Variants in CENPF observed in about 807,000 individuals in gnomAD.
CENPF encodes AH antigen.
In CENPF, 214 loss-of-function variants were observed where a neutral mutation model predicts 307.3. The ratio of observed to expected loss-of-function variants is 0.70; its 90% CI spans 0.62 to 0.78. The LOEUF is 0.78. CENPF is among the 30% of genes least tolerant of loss of function. CENPF has a pLI of 0.00. For synonymous variants in CENPF, 1,259 were observed against 1,270.6 expected, an observed-to-expected ratio of 0.99 and a Z score of 0.19; for missense variants, 3,401 against 3,483.9, an observed-to-expected ratio of 0.98 and a Z score of 0.60.
intron 1 of CENPF, chr1:214,606,165 A>G (rs1297692336): frequency 7.5e-7 from 1 of 1,331,070 alleles, no homozygotes; most frequent in East Asian, 2.5e-5. Context: ...CCAGCTCCGG[A>G]TGCGACCCTC....
Position 214,640,547 on chromosome 1 carries a change from C to T in CENPF, c.2209C>T (p.His737Tyr), listed in dbSNP as rs758829902. 1.9e-6 allele frequency: 3 copies of T among 1,614,090 alleles called. No individual in the cohort carries two copies. Among genetic ancestry groups the T allele is most frequent in the African/African-American group, 1.3e-5 (1 of 75,052 alleles). The change falls in exon 12 of 20, where the codon CAC (histidine) becomes TAC (tyrosine). Residue 737 changes from histidine (H) to tyrosine (Y), a missense_variant. Coordinates refer to ENST00000366955, the MANE Select transcript of CENPF (RefSeq NM_016343.4). ...QLTGQVEDLEHKLQLLSNEIM... is the reference protein window; with the variant it reads ...QLTGQVEDLEYKLQLLSNEIM... ...TACTGGGCAAGTTGAAGATCTAGAA[C>T]ACAAGCTTCAGTTACTGTCAAATGA...
intron 15 of CENPF, among the ~76,000 whole-genome samples, 194 bp downstream of exon 15, chr1:214,652,080 T>C (rs1658480032): frequency 6.6e-6 from 1 of 150,640 alleles, no homozygotes; most frequent in East Asian, 1.9e-4. Flanking sequence ...TTTTTTTTTT[T>C]TTTTTTGAGA....
intron 3 of CENPF, among the ~76,000 whole-genome samples, chr1:214,617,129 G>T (rs1657383089): frequency 6.6e-6 from 1 of 151,460 alleles, no homozygotes; most frequent in South Asian, 2.1e-4. Context: ...TCAGCTCACT[G>T]CAACCTCCGC....
intron 1 of CENPF, among the ~76,000 whole-genome samples, chr1:214,607,177 C>T (rs569728784): frequency 1.3e-5 from 2 of 152,350 alleles, no homozygotes; most frequent in African/African-American, 4.8e-5. Context: ...AGCCCTGTCA[C>T]CTGCTACCAG....
chr1:214,646,597 A>G lies in CENPF; in HGVS notation c.7027A>G (p.Arg2343Gly). 1 of 1,614,156 alleles carries G rather than the reference A, an allele frequency of 6.2e-7. No individual in the cohort carries two copies. The highest frequency in any genetic ancestry group is 8.5e-7 in the Non-Finnish European group (1 of 1,180,018). ...LLKGRVENLERELEIARTNQE... is the reference protein window; with the variant it reads ...LLKGRVENLEGELEIARTNQE... Reference sequence around the variant, plus strand: ...TAAGGGTAGAGTGGAGAACCTTGAAAGAGAGCTAGAGATAGCCAGGACAAA... The same window carrying G: ...TAAGGGTAGAGTGGAGAACCTTGAAGGAGAGCTAGAGATAGCCAGGACAAA... Residue 2343 changes from arginine to glycine, a missense_variant, in exon 13 of 20, where the codon AGA (arginine) becomes GGA (glycine). By Grantham distance (125) the Arg-to-Gly change is moderately radical. Coordinates refer to ENST00000366955, the MANE Select transcript of CENPF (RefSeq NM_016343.4).
At chr1:214,624,367 A>G (rs1416816341) in intron 7 of CENPF, among the ~76,000 whole-genome samples, 1 of 151,894 alleles carries the variant, frequency 6.6e-6, no homozygotes, top group Non-Finnish European at 1.5e-5. Context: ...TTCTTTATAT[A>G]TTAAGTAGAA....
intron 6 of CENPF, 151 bp downstream of exon 6, chr1:214,621,097 CTT>C: frequency 1.5e-6 from 1 of 670,342 alleles, no homozygotes. Flanking sequence ...AATATACTGT[CTT>C]TTCAATAATG....
chr1:214,647,255 C>T lies in CENPF; in HGVS notation c.7685C>T (p.Thr2562Ile), dbSNP rs767821166. The T allele has an allele frequency of 1.9e-6, 3 of 1,614,072 alleles. No homozygotes were observed. In the South Asian group the frequency reaches 3.3e-5, roughly 18 times the overall value. The change falls in exon 13 of 20, where the codon ACA becomes ATA. Residue 2562 changes from threonine (T) to isoleucine (I), a missense_variant. By Grantham distance (89) the Thr-to-Ile change is moderately conservative. Coordinates refer to ENST00000366955, the MANE Select transcript of CENPF (RefSeq NM_016343.4). ...KEQNLELRNL[T>I]VELEQKIQVL... Reference sequence around the variant, plus strand: ...CAAAACTTAGAACTGAGAAATCTGACAGTGGAATTGGAGCAGAAGATCCAA... The same window carrying T: ...CAAAACTTAGAACTGAGAAATCTGATAGTGGAATTGGAGCAGAAGATCCAA...
intron 1 of CENPF, among the ~76,000 whole-genome samples, chr1:214,606,289 G>A (rs1176615077): frequency 7.8e-6 from 1 of 127,752 alleles, no homozygotes; most frequent in Non-Finnish European, 1.7e-5. Flanking sequence ...GCCCCACCCC[G>A]TTCCCTGGCG....
intron 2 of CENPF, 144 bp downstream of exon 2, chr1:214,614,060 G>T: frequency 1.4e-6 from 1 of 710,194 alleles, no homozygotes; most frequent in Non-Finnish European, 2.1e-6. Context: ...TCTTCAGGTG[G>T]TAATTCCTCT....
chr1:214,640,968 T>G lies in CENPF; in HGVS notation c.2630T>G (p.Phe877Cys). Residue 877 changes from phenylalanine to cysteine, a missense_variant, in exon 12 of 20, where the codon TTT becomes TGT. Coordinates refer to ENST00000366955, the MANE Select transcript of CENPF (RefSeq NM_016343.4). ...LMKAEQMHQS[F>C]VAETSQRISK... ...AAAGCAGAACAGATGCATCAAAGTT[T>G]TGTGGCTGAAACAAGTCAGCGCATT... The G allele has an allele frequency of 6.2e-7, 1 of 1,601,100 alleles. No homozygotes were observed. Among genetic ancestry groups the G allele is most frequent in the Non-Finnish European group, 8.5e-7 (1 of 1,176,840 alleles).
rs144237457 is a variant in CENPF, at chr1:214,641,955, A to G, written c.3617A>G (p.Tyr1206Cys). ...LEVKEISLDS[Y>C]NAQLVQLEAM... is the part of the protein sequence containing the mutation. ...GTTAAAGAAATTTCTCTAGATAGTT[A>G]TAATGCGCAGTTGGTGCAATTAGAA... is the stretch of plus-strand genomic sequence containing the variant. The change falls in exon 12 of 20, where the codon TAT (tyrosine) becomes TGT (cysteine). Residue 1206 changes from tyrosine (Y) to cysteine (C), a missense_variant. Transcript: ENST00000366955. The G allele has an allele frequency of 3.2e-3, 5,085 of 1,595,864 alleles. 10 individuals are homozygous for G. Among genetic ancestry groups the G allele is most frequent in the Non-Finnish European group, 3.7e-3 (4,302 of 1,175,016 alleles).
At chr1:214,652,492 A>G (rs1186640733) in intron 15 of CENPF, among the ~76,000 whole-genome samples, 11 of 137,942 alleles carry the variant, frequency 8.0e-5, no homozygotes, top group African/African-American at 1.1e-4. Context: ...CACCCAGGCT[A>G]GAGTGCAGTG....
At chr1:214,652,591 C>A (rs1264900234) in intron 15 of CENPF, among the ~76,000 whole-genome samples, 1 of 150,800 alleles carries the variant, frequency 6.6e-6, no homozygotes, top group Admixed American at 6.6e-5. Flanking sequence ...TTATAGGCGC[C>A]TGCCACCACG....
At chr1:214,632,387 A>G in intron 9 of CENPF, 93 bp from the exon 10 acceptor site, 2 of 1,365,770 alleles carry the variant, frequency 1.5e-6, no homozygotes, top group Non-Finnish European at 1.0e-6. Context: ...ATCCATTTTG[A>G]TATTCCATGA....
Position 214,654,759 on chromosome 1 carries a change from G to A in CENPF, c.8323-482G>A, listed in dbSNP as rs1658585425. ...ATCATTCTGTTGTCTTTCTACTCGA[G>A]CCACAATGAAATTTAAATTTGTATA... On this transcript the variant is annotated intron_variant, in intron 16 of 19. Coordinates refer to ENST00000366955, the MANE Select transcript of CENPF (RefSeq NM_016343.4). Among the ~76,000 whole-genome samples, 3 of 152,032 alleles carry A rather than the reference G, an allele frequency of 2.0e-5. No homozygotes were observed. In the South Asian group the frequency reaches 6.3e-4, roughly 32 times the overall value.
Position 214,621,073 on chromosome 1 carries a change from G to C in CENPF, c.865+127G>C, listed in dbSNP as rs983560897. 3 of 764,278 alleles carry C rather than the reference G, an allele frequency of 3.9e-6. No homozygotes were observed. The African/African-American group carries it at 5.3e-5, about 13-fold the overall frequency. 47.3% of individuals were successfully genotyped at this position (764,278 alleles called of 1,614,324 possible). A position where few individuals can be genotyped will look rare whatever the true frequency, so the allele number is the denominator to read the frequency against. On this transcript the variant is annotated intron_variant, in intron 6 of 19. Transcript: ENST00000366955. ...AGGCACATCGGTGTTCAACATCCTAGACTGGTTATGTGAAATATACTGTCT... is the reference window on the plus strand; with the variant it reads ...AGGCACATCGGTGTTCAACATCCTACACTGGTTATGTGAAATATACTGTCT...
chr1:214,635,006 G>A (rs1453608918), intron 10 of CENPF, among the ~76,000 whole-genome samples: 1 of 152,160 alleles, frequency 6.6e-6, no homozygotes, highest in Non-Finnish European at 1.5e-5. Flanking sequence ...AGTGAATGGA[G>A]GGTTTAGATA....
In CENPF at chr1:214,613,576, A is replaced by G. The variant is rs1657255449; in HGVS notation, c.-41-138A>G. 5.8e-6 allele frequency: 3 copies of G among 521,318 alleles called. No homozygotes were observed. In the East Asian group the frequency reaches 1.0e-4, roughly 18 times the overall value. 32.3% of individuals were successfully genotyped at this position (521,318 alleles called of 1,614,324 possible). On this transcript the variant is annotated intron_variant, in intron 1 of 19. Coordinates refer to ENST00000366955, the MANE Select transcript of CENPF (RefSeq NM_016343.4). ...TGCCACCTTTCAGAGGATGGAGAAG[A>G]TAGGTATTATACTTTGTTATCTTTT...
Sources: allele counts gnomAD v4.1 joint callset (sites outside exome capture counted in the v4.1 genomes callset), GRCh38; gene constraint gnomAD v4.1.1; transcripts MANE v1.5; gene names NCBI Gene and HGNC (gene_info 2026-07-23, HGNC 2026-07-21).